The following C2orf92 variants were observed in gnomAD, a reference collection of about 807,000 sequenced individuals.
C2orf92 encodes uncharacterized protein C2orf92.
chr2:97,701,336 G>A, intron 7 of C2orf92, 32 bp downstream of exon 7: 1 of 398,560 alleles, frequency 2.5e-6, no homozygotes, highest in Non-Finnish European at 4.4e-6. Context: ...TTCCTTCCAA[G>A]AACCCGCGGG....
At chr2:97,665,228 T>C (rs1021628560), upstream of C2orf92, among the ~76,000 whole-genome samples, 1 of 152,212 alleles carries the variant, frequency 6.6e-6, no homozygotes, top group Non-Finnish European at 1.5e-5. Flanking sequence ...TCCCTGTATA[T>C]ATACCTCTCC....
chr2:97,697,200 CTG>C (rs1046611132), intron 5 of C2orf92: 24 of 152,150 alleles, frequency 1.6e-4, no homozygotes, highest in African/African-American at 5.6e-4. Context: ...GGAAATGAAA[CTG>C]TGTTGGTCAA....
At chr2:97,698,970 C>T in intron 5 of C2orf92, 56 bp from the exon 6 acceptor site, 1 of 397,808 alleles carries the variant, frequency 2.5e-6, no homozygotes, top group Non-Finnish European at 4.4e-6. Context: ...ATCATAAACG[C>T]TGAACTAATC....
At chr2:97,664,580 T>C (rs1675144062) in intron 1 of C2orf92, 1 of 151,528 alleles carries the variant, frequency 6.6e-6, no homozygotes, top group African/African-American at 2.4e-5. Context: ...TATTTATTTT[T>C]ACTGAAATAG....
intron 5 of C2orf92, among the ~76,000 whole-genome samples, chr2:97,695,109 C>T (rs1332627693): frequency 6.6e-6 from 1 of 152,088 alleles, no homozygotes. Flanking sequence ...GGGTGGGGTA[C>T]CTTTTTATTC....
At chr2:97,689,783 AAC>A (rs1676069320) in intron 4 of C2orf92, among the ~76,000 whole-genome samples, 1 of 152,172 alleles carries the variant, frequency 6.6e-6, no homozygotes, top group Non-Finnish European at 1.5e-5. Flanking sequence ...TTCACTTTCA[AAC>A]ACACATTTTG....
At chr2:97,667,263 T>C (rs76278832), upstream of C2orf92, among the ~76,000 whole-genome samples, 59 of 76,054 alleles carry the variant, frequency 7.8e-4, no homozygotes, top group African/African-American at 3.1e-3. Context: ...TCAGGTCTCT[T>C]TTTTATTTTT....
intron 1 of C2orf92, among the ~76,000 whole-genome samples, chr2:97,672,859 C>G (rs941592244): frequency 6.6e-6 from 1 of 151,956 alleles, no homozygotes; most frequent in Non-Finnish European, 1.5e-5. Flanking sequence ...TGGAAACCAC[C>G]GAGGACCAAC....
upstream of C2orf92, chr2:97,669,671 TC>T: frequency 2.5e-6 from 1 of 395,402 alleles, no homozygotes; most frequent in East Asian, 3.6e-5. Context: ...CCACCTCACT[TC>T]CGTGTATGAC....
intron 5 of C2orf92, chr2:97,690,959 A>C (rs567426260): frequency 6.6e-6 from 1 of 151,066 alleles, no homozygotes; most frequent in South Asian, 2.1e-4. Context: ...TTGTATTTTT[A>C]GTAGAGACGG....
At chr2:97,693,635 A>G (rs946271170) in intron 5 of C2orf92, among the ~76,000 whole-genome samples, 3 of 152,214 alleles carry the variant, frequency 2.0e-5, no homozygotes, top group Non-Finnish European at 4.4e-5. Context: ...AATAAATTCT[A>G]CTTGGTCATA....
At chr2:97,694,549 C>T (rs967468883) in intron 5 of C2orf92, 2 of 152,060 alleles carry the variant, frequency 1.3e-5, no homozygotes, top group African/African-American at 4.8e-5. Context: ...CGTGAACCAC[C>T]ATGCCCGGCC....
chr2:97,689,208 T>TA (rs1676053927), intron 4 of C2orf92, among the ~76,000 whole-genome samples: 1 of 152,180 alleles, frequency 6.6e-6, no homozygotes, highest in African/African-American at 2.4e-5. Flanking sequence ...TCCCTGTATT[T>TA]TGGGGTGATC....
upstream of C2orf92, among the ~76,000 whole-genome samples, chr2:97,664,913 T>A (rs556792223): frequency 3.0e-4 from 45 of 152,318 alleles, no homozygotes; most frequent in South Asian, 7.1e-3. Context: ...GAAAAGATCC[T>A]TTTCCTTATA....
At chr2:97,680,743 G>A (rs1376549947) in intron 3 of C2orf92, among the ~76,000 whole-genome samples, 1 of 152,018 alleles carries the variant, frequency 6.6e-6, no homozygotes, top group East Asian at 1.9e-4. Context: ...TGGCTAACAC[G>A]GTGAAACCCC....
chr2:97,679,029 C>G (rs1029469775), intron 3 of C2orf92, among the ~76,000 whole-genome samples: 1 of 151,454 alleles, frequency 6.6e-6, no homozygotes, highest in African/African-American at 2.4e-5. Flanking sequence ...CAAGAATTCT[C>G]TATCTGACAA....
At chr2:97,689,548 G>A (rs1447874950) in intron 4 of C2orf92, among the ~76,000 whole-genome samples, 1 of 152,188 alleles carries the variant, frequency 6.6e-6, no homozygotes, top group Non-Finnish European at 1.5e-5. Context: ...AATTAAGATA[G>A]GTATTTGCTC....
chr2:97,700,609 C>G (rs560390562), intron 6 of C2orf92, among the ~76,000 whole-genome samples: 63 of 152,274 alleles, frequency 4.1e-4, no homozygotes, highest in African/African-American at 1.2e-3. Context: ...TCTCCACCCC[C>G]CAAAATCATC....
Position 97,702,910 on chromosome 2 carries a change from A to G in C2orf92, c.*109A>G. ...CATTTCTGCCCGGGAGGTGTATTCT[A>G]CAAAAACGTCTGCTTCCCATCCCAA... On this transcript the variant is annotated 3_prime_UTR_variant, in exon 8 of 8. Coordinates refer to ENST00000627399, the MANE Select transcript of C2orf92 (RefSeq NM_001351368.2). 5.0e-6 allele frequency: 2 copies of G among 397,412 alleles called. No individual in the cohort carries two copies. The highest frequency in any genetic ancestry group is 8.8e-5 in the Admixed American group (2 of 22,714). 24.6% of individuals were successfully genotyped at this position (397,412 alleles called of 1,614,324 possible). A position where few individuals can be genotyped will look rare whatever the true frequency, so the allele number is the denominator to read the frequency against.
Sources: gnomAD v4.1 joint callset for allele counts (sites outside exome capture counted in the v4.1 genomes callset) on GRCh38, gnomAD v4.1.1 for gene constraint, MANE v1.5 for transcripts, NCBI Gene and HGNC (gene_info 2026-07-23, HGNC 2026-07-21) for gene names.